DNAAF2: variants seen among roughly 807,000 people sequenced by gnomAD.
DNAAF2 encodes dynein axonemal assembly factor 2.
DNAAF2 carries 58 observed loss-of-function variants against 48.8 expected under a neutral mutation model. The ratio of observed to expected loss-of-function variants is 1.19; its 90% CI spans 0.96 to 1.48. The LOEUF is 1.48. Ranked by LOEUF, DNAAF2 falls within the 40% of genes most tolerant of loss-of-function variation. The pLI is 0.00. For missense variants in DNAAF2, 1,241 were observed against 1,116.1 expected (o/e 1.11, Z -1.59); for synonymous variants, 567 against 481.2 (o/e 1.18, Z -2.33).
Position 49,634,401 on chromosome 14 carries a change from G to T in DNAAF2, c.749C>A (p.Pro250His), listed in dbSNP as rs1247676007. 11 of 1,583,810 alleles carry T rather than the reference G, an allele frequency of 6.9e-6. No individual in the cohort carries two copies. Among genetic ancestry groups the T allele is most frequent in the Non-Finnish European group, 9.4e-6 (11 of 1,165,380 alleles). ...CACCACGCTGTAGCGAGGCTCGGTG[G>T]GGGCGGGCTGCAAGGCCGCTTCCGG... The part of the protein sequence containing the change: ...SPPEAALQPA[P>H]TEPRYSVVQR... The change falls in exon 1 of 3, where the codon CCC becomes CAC. Residue 250 changes from proline to histidine, a missense_variant. By Grantham distance (77) the Pro-to-His change is moderately conservative. Transcript: ENST00000298292.
At position 49,634,440 on chromosome 14, in the gene DNAAF2, C is replaced by T. The variant is rs951961172; in HGVS notation, c.710G>A (p.Arg237Gln). 8 of 1,557,864 alleles carry T rather than the reference C, an allele frequency of 5.1e-6. No individual in the cohort carries two copies. In the African/African-American group the frequency reaches 6.8e-5, roughly 13 times the overall value. ...GGCCGCTTCCGGAGGGGAGGGCGCC[C>T]GGGGCCCGGGGGCTGCCGGGTACTG... ...PYQYPAAPGP[R>Q]APSPPEAALQ... The change falls in exon 1 of 3, where the codon CGG becomes CAG. Residue 237 changes from arginine (R) to glutamine (Q), a missense_variant. By Grantham distance (43) the Arg-to-Gln change is conservative. Transcript: ENST00000298292.
chr14:49,628,132 T>G lies in DNAAF2; in HGVS notation c.1887A>C (p.Glu629Asp). 6.3e-7 allele frequency: 1 copy of G among 1,590,324 alleles called. No individual in the cohort carries two copies. Among genetic ancestry groups the G allele is most frequent in the Non-Finnish European group, 8.6e-7 (1 of 1,166,738 alleles). The change falls in exon 2 of 3, where the codon GAA becomes GAC. Residue 629 changes from glutamate (E) to aspartate (D), a missense_variant. Physicochemically the swap from Glu to Asp is conservative, Grantham distance 45. Coordinates refer to ENST00000298292, the MANE Select transcript of DNAAF2 (RefSeq NM_018139.3). ...CCTCTTCAAGAAACTCATTAACATT[T>G]TCTTCATTGACAAATAACCTTTCCT... The part of the protein sequence containing the change: ...SLEERLFVNE[E>D]NVNEFLEEVL...
At chr14:49,626,876 G>A (rs1456131447) in intron 2 of DNAAF2, among the ~76,000 whole-genome samples, 1 of 141,718 alleles carries the variant, frequency 7.1e-6, no homozygotes, top group Non-Finnish European at 1.5e-5. Flanking sequence ...CGCAATCTTG[G>A]CTTACTGCAA....
intron 2 of DNAAF2, among the ~76,000 whole-genome samples, chr14:49,627,215 A>G (rs1341205063): frequency 6.6e-6 from 1 of 152,236 alleles, no homozygotes; most frequent in Non-Finnish European, 1.5e-5. Flanking sequence ...TTTAACAGTT[A>G]TAAGCACATT....
Position 49,633,591 on chromosome 14 carries a change from G to T in DNAAF2, c.1559C>A (p.Pro520His). The change falls in exon 1 of 3, where the codon CCT (proline) becomes CAT (histidine). Residue 520 changes from proline (P) to histidine (H), a missense_variant. By Grantham distance (77) the Pro-to-His change is moderately conservative (BLOSUM62 -2). Transcript: ENST00000298292. Reference protein sequence around the residue: ...MGGPGTKSGEPLCPPLLCNQD... With the variant: ...MGGPGTKSGEHLCPPLLCNQD... The stretch of plus-strand genomic sequence containing the variant: ...ATTACACAGTAACGGAGGACACAAA[G>T]GCTCCCCGCTCTTGGTCCCGGGACC... The T allele has an allele frequency of 6.2e-7, 1 of 1,613,940 alleles. No homozygotes were observed. Among genetic ancestry groups the T allele is most frequent in the Non-Finnish European group, 8.5e-7 (1 of 1,179,888 alleles).
Position 49,634,601 on chromosome 14 carries a change from C to CCT in DNAAF2, c.547_548dup (p.Asn184GlyfsTer6). 1 of 1,606,606 alleles carries CCT rather than the reference C, an allele frequency of 6.2e-7. No individual in the cohort carries two copies. The highest frequency in any genetic ancestry group is 8.5e-7 in the Non-Finnish European group (1 of 1,179,746). Reference sequence around the variant, plus strand: ...ACTTGGCCTTCAGGGTCTTGGCATTCCTGCGGTCCAGCTTCACGCCGAACT... The same window carrying CCT: ...ACTTGGCCTTCAGGGTCTTGGCATTCCTCTGCGGTCCAGCTTCACGCCGAACT... On this transcript the variant is annotated frameshift_variant, in exon 1 of 3. Transcript: ENST00000298292. LOFTEE classifies it high-confidence loss of function.
intron 1 of DNAAF2, among the ~76,000 whole-genome samples, chr14:49,628,465 G>C (rs1883067966): frequency 6.6e-6 from 1 of 151,862 alleles, no homozygotes; most frequent in Non-Finnish European, 1.5e-5. Context: ...CTTTTGTTTT[G>C]TTTTTTTGAG....
intron 1 of DNAAF2, among the ~76,000 whole-genome samples, chr14:49,631,382 T>G (rs1883160065): frequency 6.6e-6 from 1 of 152,110 alleles, no homozygotes; most frequent in Non-Finnish European, 1.5e-5. Context: ...TCCCAGCACT[T>G]TGGGAGGCCG....
At position 49,633,350 on chromosome 14, in the gene DNAAF2, T is replaced by C. The variant is rs753487172; in HGVS notation, c.1800A>G (p.Lys600=). Residue 600 remains lysine (K), a synonymous_variant, in exon 1 of 3, where the codon AAA becomes AAG. Coordinates refer to ENST00000298292, the MANE Select transcript of DNAAF2 (RefSeq NM_018139.3). ...SSNNAVIELA[K]SPESHGHWRE... is the part of the protein sequence containing the mutation. ...TCCAATGTCCATGGCTCTCTGGAGA[T>C]TTTGCCAGTTCTATCACTGCATTGT... The C allele has an allele frequency of 6.2e-7, 1 of 1,614,028 alleles. No homozygotes were observed. The highest frequency in any genetic ancestry group is 1.3e-5 in the African/African-American group (1 of 75,042).
At chr14:49,629,964 G>T in intron 1 of DNAAF2, 1 of 152,162 alleles carries the variant, frequency 6.6e-6, no homozygotes, top group East Asian at 1.9e-4. Flanking sequence ...GGGCACAGTG[G>T]CTCATGCTTA....
intron 1 of DNAAF2, among the ~76,000 whole-genome samples, chr14:49,628,693 T>TATCC (rs1883075979): frequency 6.6e-6 from 1 of 152,136 alleles, no homozygotes. Flanking sequence ...GACCTCAAGC[T>TATCC]ATCCACCTGC....
intron 1 of DNAAF2, among the ~76,000 whole-genome samples, chr14:49,629,064 G>C (rs1883085853): frequency 6.6e-6 from 1 of 152,106 alleles, no homozygotes; most frequent in Admixed American, 6.6e-5. Context: ...CCAGGCTCAA[G>C]TGATCCTCCC....
At position 49,635,215 on chromosome 14, in the gene DNAAF2, C is replaced by A; in HGVS notation, c.-66G>T. The A allele has an allele frequency of 6.7e-7, 1 of 1,502,228 alleles. No individual in the cohort carries two copies. Among genetic ancestry groups the A allele is most frequent in the Non-Finnish European group, 9.0e-7 (1 of 1,106,406 alleles). The allele number at this position is 1,502,228 out of a possible 1,614,324, so 93.1% of individuals were successfully genotyped here. ...GTCTGACACTGGGTTGGGGGATCCG[C>A]CTCAGAGTTTCTGGGCAGCGTACAG... On this transcript the variant is annotated 5_prime_UTR_variant, in exon 1 of 3. Coordinates refer to ENST00000298292, the MANE Select transcript of DNAAF2 (RefSeq NM_018139.3).
At position 49,633,995 on chromosome 14, in the gene DNAAF2, C is replaced by T. The variant is rs1481091134; in HGVS notation, c.1155G>A (p.Glu385=). The change falls in exon 1 of 3, where the codon GAG becomes GAA. Residue 385 remains glutamate, a synonymous_variant. Transcript: ENST00000298292. ...GACTCCTCGCGGGTCCCGCCTCCCC[C>T]TCGCGAGCGGAAGCGCAGGCCTGGC... ...TDGQACASAR[E]GEAGPARSRA... 1.3e-6 allele frequency: 2 copies of T among 1,523,884 alleles called. No homozygotes were observed. Among genetic ancestry groups the T allele is most frequent in the Admixed American group, 2.0e-5 (1 of 49,232 alleles). The allele number at this position is 1,523,884 out of a possible 1,614,324, so 94.4% of individuals were successfully genotyped here.
In DNAAF2 at chr14:49,634,953, T is replaced by G. The variant is rs1883302969; in HGVS notation, c.197A>C (p.Glu66Ala). 1 of 1,558,736 alleles carries G rather than the reference T, an allele frequency of 6.4e-7. No homozygotes were observed. Among genetic ancestry groups the G allele is most frequent in the Admixed American group, 1.9e-5 (1 of 52,224 alleles). The change falls in exon 1 of 3, where the codon GAA (glutamate) becomes GCA (alanine). Residue 66 changes from glutamate to alanine, a missense_variant. Coordinates refer to ENST00000298292, the MANE Select transcript of DNAAF2 (RefSeq NM_018139.3). ...ITALERERGV[E>A]VRFVHPEPGH... Reference sequence around the variant, plus strand: ...GGGCTCCGGGTGCACGAACCGCACTTCCACCCCGCGCTCACGCTCTAGCGC... The same window carrying G: ...GGGCTCCGGGTGCACGAACCGCACTGCCACCCCGCGCTCACGCTCTAGCGC...
rs1484432165 is a variant in DNAAF2, at chr14:49,630,974, CT to C, written c.1863+2312del. Among the ~76,000 whole-genome samples, 6 of 152,260 alleles carry C rather than the reference CT, an allele frequency of 3.9e-5. No individual in the cohort carries two copies. In the South Asian group the frequency reaches 8.3e-4, roughly 21 times the overall value. On this transcript the variant is annotated intron_variant, in intron 1 of 2. Transcript: ENST00000298292. ...CCTTGTTGGCCAGGATGGTCTCAATCTCCTGACCTCGTGATCTGCCTGCTTC... is the reference window on the plus strand; with the variant it reads ...CCTTGTTGGCCAGGATGGTCTCAATCCCTGACCTCGTGATCTGCCTGCTTC...
chr14:49,634,571 C>G lies in DNAAF2; in HGVS notation c.579G>C (p.Lys193Asn), dbSNP rs1385306917. 2 of 1,605,166 alleles carry G rather than the reference C, an allele frequency of 1.2e-6. No individual in the cohort carries two copies. Among genetic ancestry groups the G allele is most frequent in the Non-Finnish European group, 1.7e-6 (2 of 1,179,730 alleles). The stretch of plus-strand genomic sequence containing the variant: ...GCAGCACCGCAGCCTCTGGGGTCCC[C>G]TTATACTTGGCCTTCAGGGTCTTGG... ...RNAKTLKAKY[K>N]GTPEAAVLRT... The change falls in exon 1 of 3, where the codon AAG becomes AAC. Residue 193 changes from lysine to asparagine, a missense_variant. Physicochemically the swap from Lys to Asn is moderately conservative, Grantham distance 94. Coordinates refer to ENST00000298292, the MANE Select transcript of DNAAF2 (RefSeq NM_018139.3).
intron 1 of DNAAF2, 74 bp downstream of exon 1, chr14:49,633,213 C>T: frequency 7.1e-6 from 11 of 1,556,408 alleles, no homozygotes; most frequent in Non-Finnish European, 9.6e-6. Context: ...AGCCACCGCG[C>T]CCGGCCGGTA....
chr14:49,627,933 G>A, intron 2 of DNAAF2, 79 bp downstream of exon 2: 1 of 1,334,272 alleles, frequency 7.5e-7, no homozygotes, highest in Non-Finnish European at 1.0e-6. Flanking sequence ...TTAAAGTTAT[G>A]ATATTAAGAA....
Sources: gnomAD v4.1 joint callset for allele counts (sites outside exome capture counted in the v4.1 genomes callset) on GRCh38, gnomAD v4.1.1 for gene constraint, MANE v1.5 for transcripts, NCBI Gene and HGNC (gene_info 2026-07-23, HGNC 2026-07-21) for gene names.